CCDC88A: variants seen among roughly 807,000 people sequenced by gnomAD.
CCDC88A encodes the protein coiled-coil and HOOK domain protein 88A.
A neutral mutation model predicts 234.3 loss-of-function variants in CCDC88A; 54 were observed. The ratio of observed to expected loss-of-function variants is 0.23; its 90% CI spans 0.19 to 0.29. CCDC88A has a LOEUF of 0.29. Ranked by LOEUF, CCDC88A falls within the 10% of genes least tolerant of loss-of-function variation. The pLI is 1.00. For missense variants in CCDC88A, 1,832 were observed against 2,123.4 expected (o/e 0.86, Z 2.70); for synonymous variants, 753 against 737.8 (o/e 1.02, Z -0.33).
rs750144880 is a variant in CCDC88A at position 55,343,779 on chromosome 2, T to A, written c.1202A>T (p.Asp401Val). 1 of 1,608,826 alleles carries A rather than the reference T, an allele frequency of 6.2e-7. No individual in the cohort carries two copies. Among genetic ancestry groups the A allele is most frequent in the Non-Finnish European group, 8.5e-7 (1 of 1,177,402 alleles). ...CATTAATTCTTCAATCTTTTTTCTATCCATATCTCGTTCCTTTTTTATTGG... is the reference window on the plus strand; with the variant it reads ...CATTAATTCTTCAATCTTTTTTCTAACCATATCTCGTTCCTTTTTTATTGG... Reference protein sequence around the residue: ...LHDMEMERDMDRKKIEELMEE... With the variant: ...LHDMEMERDMVRKKIEELMEE... The change falls in exon 12 of 33, where the codon GAT becomes GTT. Residue 401 changes from aspartate (D) to valine (V), a missense_variant. Physicochemically the swap from Asp to Val is radical, Grantham distance 152. Around this residue, in one of 6 missense-constraint regions of CCDC88A, gnomAD observed 1,282 missense variants for 1,543.6 expected, o/e 0.83. Transcript: ENST00000436346.
At chr2:55,314,261 T>C (rs1682698942) in intron 22 of CCDC88A, 1 of 152,222 alleles carries the variant, frequency 6.6e-6, no homozygotes, top group African/African-American at 2.4e-5. Context: ...AGTGAGTAGA[T>C]TAGCATAGAT....
chr2:55,390,336 A>G (rs957391906), intron 2 of CCDC88A, among the ~76,000 whole-genome samples: 1 of 152,158 alleles, frequency 6.6e-6, no homozygotes, highest in East Asian at 1.9e-4. Context: ...ATGGATCCCC[A>G]AAAGGATCCT....
chr2:55,326,132 T>C (rs1684228926), intron 17 of CCDC88A, among the ~76,000 whole-genome samples: 1 of 152,064 alleles, frequency 6.6e-6, no homozygotes, highest in African/African-American at 2.4e-5. Context: ...ACTATTTGTT[T>C]TCTATTTGTC....
chr2:55,378,222 G>A (rs1016214662), intron 3 of CCDC88A, among the ~76,000 whole-genome samples: 1 of 152,000 alleles, frequency 6.6e-6, no homozygotes, highest in Non-Finnish European at 1.5e-5. Context: ...ATGCTCTACT[G>A]TTAATTTAGT....
intron 29 of CCDC88A, among the ~76,000 whole-genome samples, chr2:55,299,492 G>C (rs1214157545): frequency 6.6e-6 from 1 of 152,104 alleles, no homozygotes; most frequent in East Asian, 1.9e-4. Context: ...TATGAGTAAT[G>C]TGAGTGTCCA....
chr2:55,350,717 T>C, intron 8 of CCDC88A: 1 of 152,236 alleles, frequency 6.6e-6, no homozygotes, highest in Non-Finnish European at 1.5e-5. Flanking sequence ...TGGAGTGCAG[T>C]GGCATGATCA....
intron 3 of CCDC88A, among the ~76,000 whole-genome samples, chr2:55,382,057 T>A (rs1284453743): frequency 6.6e-6 from 1 of 152,086 alleles, no homozygotes; most frequent in Non-Finnish European, 1.5e-5. Flanking sequence ...AAAAATTAAA[T>A]CAATGGCATT....
chr2:55,409,280 A>G (rs1175217185), intron 2 of CCDC88A, among the ~76,000 whole-genome samples: 3 of 152,176 alleles, frequency 2.0e-5, no homozygotes, highest in East Asian at 3.9e-4. Flanking sequence ...CTTTGCTTAA[A>G]ATGTCCTTCC....
At chr2:55,367,528 G>GTTTTTTTTTTTTTTTGTTTTTT in intron 5 of CCDC88A, among the ~76,000 whole-genome samples, 1 of 99,890 alleles carries the variant, frequency 1.0e-5, no homozygotes, top group African/African-American at 4.3e-5. Context: ...TTATTTCCTT[G>GTTTTTTTTTTTTTTTGTTTTTT]TTTTTTTTTA....
At chr2:55,399,322 C>G (rs1360892759) in intron 2 of CCDC88A, among the ~76,000 whole-genome samples, 1 of 151,698 alleles carries the variant, frequency 6.6e-6, no homozygotes. Flanking sequence ...GTCAGGAGTT[C>G]AAGACCAGCC....
intron 2 of CCDC88A, among the ~76,000 whole-genome samples, chr2:55,413,764 C>A (rs1313214856): frequency 2.2e-4 from 33 of 151,920 alleles, no homozygotes; most frequent in Admixed American, 2.1e-3. Flanking sequence ...CCAGCCTGGG[C>A]AACACAGTGA....
At chr2:55,400,223 A>T (rs1015687205) in intron 2 of CCDC88A, among the ~76,000 whole-genome samples, 9 of 152,152 alleles carry the variant, frequency 5.9e-5, no homozygotes, top group Non-Finnish European at 1.3e-4. Flanking sequence ...ATTTTTTTCT[A>T]AAGAATGTAT....
intron 29 of CCDC88A, among the ~76,000 whole-genome samples, chr2:55,299,133 G>A (rs1680574093): frequency 6.7e-6 from 1 of 149,478 alleles, no homozygotes. Context: ...GAACCTGGGA[G>A]GTGGAGGTTA....
At chr2:55,388,449 T>TA (rs11365112) in intron 3 of CCDC88A, 5 of 152,230 alleles carry the variant, frequency 3.3e-5, no homozygotes, top group Non-Finnish European at 7.3e-5. Context: ...GTTTTTTTTT[T>TA]AAAAAAAATG....
chr2:55,309,570 T>C lies in CCDC88A; in HGVS notation c.4080-316A>G, dbSNP rs1213739751. 6.6e-6 allele frequency among the ~76,000 whole-genome samples: 1 copy of C among 152,222 alleles called. No homozygotes were observed. Among genetic ancestry groups the C allele is most frequent in the Non-Finnish European group, 1.5e-5 (1 of 68,026 alleles). On this transcript the variant is annotated intron_variant, in intron 23 of 32. Transcript: ENST00000436346. This position sits in a 1 kb window ranked among gnomAD's most constrained non-coding sequence, Gnocchi z 5.1. ...AAATAATCCTGCAAACACATGTTCA[T>C]GCAAATATTTTTCTTTTCGGCAGAA... is the stretch of plus-strand genomic sequence containing the variant.
Position 55,344,461 on chromosome 2 carries a change from G to A in CCDC88A, c.1095C>T (p.Asp365=). 1 of 1,579,900 alleles carries A rather than the reference G, an allele frequency of 6.3e-7. No individual in the cohort carries two copies. The highest frequency in any genetic ancestry group is 1.2e-5 in the South Asian group (1 of 85,916). Reference sequence around the variant, plus strand: ...AACGAGCACGAGTTCCCTCTAGTTGGTCTTCCAACATGGTTTTTGTTTCTA... The same window carrying A: ...AACGAGCACGAGTTCCCTCTAGTTGATCTTCCAACATGGTTTTTGTTTCTA... ...VLLETKTMLE[D]QLEGTRARSD... Residue 365 remains aspartate (D), a synonymous_variant, in exon 11 of 33, where the codon GAC becomes GAT. Coordinates refer to ENST00000436346, the MANE Select transcript of CCDC88A (RefSeq NM_001365480.1).
At chr2:55,331,416 T>C (rs1684897922) in intron 16 of CCDC88A, among the ~76,000 whole-genome samples, 2 of 152,204 alleles carry the variant, frequency 1.3e-5, no homozygotes. Context: ...ATCTATCCTA[T>C]TTACTTTGAA....
intron 7 of CCDC88A, 64 bp from the exon 8 acceptor site, chr2:55,355,815 G>A: frequency 8.0e-7 from 1 of 1,257,234 alleles, no homozygotes; most frequent in East Asian, 2.4e-5. Flanking sequence ...ACATCAACAT[G>A]ATCCACTAGG....
rs1684479636 is a variant in CCDC88A, at chr2:55,328,080, C to T, written c.2997+214G>A. On this transcript the variant is annotated intron_variant, in intron 17 of 32. Transcript: ENST00000436346. The surrounding 1 kb of genome is among the most constrained non-coding windows in gnomAD (Gnocchi z 4.3). The stretch of plus-strand genomic sequence containing the variant: ...CTTCTGATATATCCCTAACAGCAGG[C>T]AGGAATATTACACACATGAAATAGC... Among the ~76,000 whole-genome samples the T allele has an allele frequency of 6.6e-6, 1 of 152,046 alleles. No individual in the cohort carries two copies. The highest frequency in any genetic ancestry group is 6.5e-5 in the Admixed American group (1 of 15,268).
Sources: allele counts gnomAD v4.1 joint callset (sites outside exome capture counted in the v4.1 genomes callset), GRCh38; gene constraint gnomAD v4.1.1; regional missense constraint gnomAD v4.1.1; non-coding constraint Gnocchi (gnomAD v3.1); transcripts MANE v1.5; gene names NCBI Gene and HGNC (gene_info 2026-07-23, HGNC 2026-07-21).